The following MPZ variants were observed in gnomAD, a reference collection of about 807,000 sequenced individuals.
MPZ encodes myelin protein P0.
A neutral mutation model predicts 27.9 loss-of-function variants in MPZ; 13 were observed. The ratio of observed to expected loss-of-function variants is 0.47; its 90% CI spans 0.30 to 0.74. The LOEUF (loss-of-function observed/expected upper bound fraction) is 0.74, where lower values mean the gene tolerates loss of function less well. MPZ is among the 30% of genes least tolerant of loss of function. The pLI is 0.06. For synonymous variants in MPZ, 118 were observed against 128.9 expected, an observed-to-expected ratio of 0.92 and a Z score of 0.57; for missense variants, 256 against 317.5, an observed-to-expected ratio of 0.81 and a Z score of 1.47.
intron 3 of MPZ, 87 bp downstream of exon 3, chr1:161,306,621 C>G (rs1670255380): frequency 6.4e-7 from 1 of 1,560,230 alleles, no homozygotes; most frequent in Non-Finnish European, 8.8e-7. Flanking sequence ...TTAGGCCGGG[C>G]TTTTTGCCTC....
At chr1:161,309,552 A>ATATATATATATATATATTTTTTT in intron 1 of MPZ, among the ~76,000 whole-genome samples, 1 of 80,664 alleles carries the variant, frequency 1.2e-5, no homozygotes, top group Non-Finnish European at 2.4e-5. Context: ...ATATATATAT[A>ATATATATATATATATATTTTTTT]TTTTTTTTTT....
chr1:161,308,579 T>A (rs1432192580), intron 1 of MPZ, among the ~76,000 whole-genome samples: 1 of 152,100 alleles, frequency 6.6e-6, no homozygotes, highest in Non-Finnish European at 1.5e-5. Flanking sequence ...CTGTCCTGAA[T>A]CTCTCACCTC....
At position 161,306,366 on chromosome 1, in the gene MPZ, A is replaced by C; in HGVS notation, c.547T>G (p.Trp183Gly). The C allele has an allele frequency of 6.2e-7, 1 of 1,614,192 alleles. No homozygotes were observed. The highest frequency in any genetic ancestry group is 8.5e-7 in the Non-Finnish European group (1 of 1,180,034). ...LLLFYVVRYC[W>G]LRRQAALQRR... The stretch of plus-strand genomic sequence containing the variant: ...TGCAGGGCCGCCTGCCTGCGTAGCC[A>C]GCAGTACCGAACCACGTAGAAAAGC... Residue 183 changes from tryptophan to glycine, a missense_variant, in exon 4 of 6, where the codon TGG becomes GGG. Coordinates refer to ENST00000533357, the MANE Select transcript of MPZ (RefSeq NM_000530.8).
chr1:161,303,707 A>G (rs564731314), downstream of MPZ, among the ~76,000 whole-genome samples: 76 of 152,344 alleles, frequency 5.0e-4, no homozygotes, highest in African/African-American at 1.8e-3. Flanking sequence ...CTAATGAATA[A>G]TGGACAGTTT....
chr1:161,306,156 C>G lies in MPZ; in HGVS notation c.597G>C (p.Lys199Asn), dbSNP rs777928293. The G allele has an allele frequency of 5.0e-6, 8 of 1,614,252 alleles. No individual in the cohort carries two copies. The South Asian group carries it at 8.8e-5, about 18-fold the overall frequency. Reference protein sequence around the residue: ...ALQRRLSAMEKGKLHKPGKDA... With the variant: ...ALQRRLSAMENGKLHKPGKDA... ...CCTTTCCTGGCTTGTGCAATTTCCC[C>G]TTCTCCATAGCACTGCAAGAAGAGA... Residue 199 changes from lysine to asparagine, a missense_variant, in exon 5 of 6, where the codon AAG becomes AAC. Lys to Asn is a moderately conservative substitution (Grantham distance 94). This residue lies in a region of MPZ where 101 missense variants were observed against 93.6 expected (regional missense o/e 1.08). Coordinates refer to ENST00000533357, the MANE Select transcript of MPZ (RefSeq NM_000530.8).
At chr1:161,306,269 T>G in intron 4 of MPZ, 60 bp downstream of exon 4, 1 of 1,612,900 alleles carries the variant, frequency 6.2e-7, no homozygotes, top group East Asian at 2.2e-5. Flanking sequence ...ACTGGAGTAG[T>G]CTCCGCCCAG....
chr1:161,303,975 G>T (rs1384075000), downstream of MPZ, among the ~76,000 whole-genome samples: 1 of 152,118 alleles, frequency 6.6e-6, no homozygotes, highest in Non-Finnish European at 1.5e-5. Context: ...GAAATTACTT[G>T]TGGGCACTTT....
chr1:161,309,849 G>A lies in MPZ; in HGVS notation c.57C>T (p.Phe19=). ...AGTGGCTCCACTTACCCAAAGAAGA[G>A]AAGAGCAGCACAGCCAGGATAGGGC... is the stretch of plus-strand genomic sequence containing the variant. The part of the protein sequence containing the change: ...SPSPILAVLL[F]SSLVLSPAQA... Residue 19 remains phenylalanine (F), a synonymous_variant, in exon 1 of 6, where the codon TTC becomes TTT. Transcript: ENST00000533357. 6.3e-7 allele frequency: 1 copy of A among 1,584,258 alleles called. No homozygotes were observed. The highest frequency in any genetic ancestry group is 8.6e-7 in the Non-Finnish European group (1 of 1,165,868).
At chr1:161,307,057 G>A in intron 2 of MPZ, 136 bp from the exon 3 acceptor site, 1 of 981,128 alleles carries the variant, frequency 1.0e-6, no homozygotes, top group Non-Finnish European at 1.5e-6. Context: ...CCAGCCTCAG[G>A]GTAAGGGATC....
At position 161,307,355 on chromosome 1, in the gene MPZ, ACCCGGGAG is replaced by A. The variant is rs760730366; in HGVS notation, c.129_136del (p.Ser44AspfsTer10). ...GGACCAGAAGGAGCAGTGCAGGGTCACCCGGGAGCCCACAGCACCATGGACCTCCCTGT... is the reference window on the plus strand; with the variant it reads ...GGACCAGAAGGAGCAGTGCAGGGTCACCCACAGCACCATGGACCTCCCTGT... On this transcript the variant is annotated frameshift_variant, in exon 2 of 6. Transcript: ENST00000533357. LOFTEE classifies it high-confidence loss of function. 5 of 1,614,268 alleles carry A rather than the reference ACCCGGGAG, an allele frequency of 3.1e-6. No individual in the cohort carries two copies. The highest frequency in any genetic ancestry group is 4.2e-6 in the Non-Finnish European group (5 of 1,180,042).
Position 161,306,112 on chromosome 1 carries a change from C to A in MPZ, c.641G>T (p.Arg214Leu). The change falls in exon 5 of 6, where the codon CGG (arginine) becomes CTG (leucine). Residue 214 changes from arginine (R) to leucine (L), a missense_variant. Around this residue, in one of 2 missense-constraint regions of MPZ, gnomAD observed 101 missense variants for 93.6 expected, o/e 1.08. Coordinates refer to ENST00000533357, the MANE Select transcript of MPZ (RefSeq NM_000530.8). ...KPGKDASKRG[R>L]QTPVLYAMLD... ...TAGGCCCCAAGTCCCGCTAACCTGC[C>A]GCCCGCGCTTCGACGCGTCCTTTCC... is the stretch of plus-strand genomic sequence containing the variant. The A allele has an allele frequency of 3.1e-6, 5 of 1,614,250 alleles. No individual in the cohort carries two copies. The South Asian group carries it at 4.4e-5, about 14-fold the overall frequency.
rs1333896696 is a variant in MPZ, at chr1:161,304,862, C to T, written c.*1014G>A. 2 of 150,524 alleles carry T rather than the reference C, an allele frequency of 1.3e-5. No individual in the cohort carries two copies. Among genetic ancestry groups the T allele is most frequent in the African/African-American group, 4.9e-5 (2 of 40,716 alleles). 9.3% of individuals were successfully genotyped at this position (150,524 alleles called of 1,614,324 possible). ...TGCAGCCTCTTCCTCCCCCCCGCCCCCCCATTTCCCATTTGTTTTTCCTGC... is the reference window on the plus strand; with the variant it reads ...TGCAGCCTCTTCCTCCCCCCCGCCCTCCCATTTCCCATTTGTTTTTCCTGC... On this transcript the variant is annotated 3_prime_UTR_variant, in exon 6 of 6. Coordinates refer to ENST00000533357, the MANE Select transcript of MPZ (RefSeq NM_000530.8).
rs754068936 is a variant in MPZ at position 161,306,462 on chromosome 1, G to T, written c.451C>A (p.Pro151Thr). Residue 151 changes from proline (P) to threonine (T), a missense_variant and splice_region_variant, in exon 4 of 6, where the codon CCA (proline) becomes ACA (threonine). By Grantham distance (38) the Pro-to-Thr change is conservative. Around this residue, in one of 2 missense-constraint regions of MPZ, gnomAD observed 155 missense variants for 223.9 expected, o/e 0.69. Coordinates refer to ENST00000533357, the MANE Select transcript of MPZ (RefSeq NM_000530.8). ...CCCAGAACGACCCCGTACCTAGTTG[G>T]CACTAGGAGGGGTGGGAAAAGAAGT... ...QVTLYVFEKV[P>T]TRYGVVLGAV... The T allele has an allele frequency of 6.2e-7, 1 of 1,614,186 alleles. No individual in the cohort carries two copies. The highest frequency in any genetic ancestry group is 1.6e-4 in the Middle Eastern group (1 of 6,062).
rs573641061 is a variant in MPZ, at chr1:161,307,160, T to A, written c.234+98A>T. Reference sequence around the variant, plus strand: ...ACCTTGCCAAAGTTGGGGTTATGGCTCAAAAAGGATTTCCCCCTCCTTAGC... The same window carrying A: ...ACCTTGCCAAAGTTGGGGTTATGGCACAAAAAGGATTTCCCCCTCCTTAGC... On this transcript the variant is annotated intron_variant, in intron 2 of 5. Transcript: ENST00000533357. 137 of 1,506,506 alleles carry A rather than the reference T, an allele frequency of 9.1e-5. No individual in the cohort carries two copies. The African/African-American group carries it at 1.7e-3, about 19-fold the overall frequency. The allele number at this position is 1,506,506 out of a possible 1,614,324, so 93.3% of individuals were successfully genotyped here.
chr1:161,305,899 C>A lies in MPZ; in HGVS notation c.724G>T (p.Glu242Ter). ...CGCTATTTCTTATCCTTGCGAGACT[C>A]CCCCAGCCCCTTGGCCTTCTTCTCA... ...VSEKKAKGLGESRKDKK is the reference protein window; with the variant it reads ...VSEKKAKGLG Residue 242 changes from glutamate (E) to a stop codon, truncating the protein, a stop_gained, in exon 6 of 6, where the codon GAG becomes TAG. Coordinates refer to ENST00000533357, the MANE Select transcript of MPZ (RefSeq NM_000530.8). LOFTEE classifies it high-confidence loss of function. The A allele has an allele frequency of 6.2e-7, 1 of 1,610,754 alleles. No individual in the cohort carries two copies. Among genetic ancestry groups the A allele is most frequent in the Non-Finnish European group, 8.5e-7 (1 of 1,178,186 alleles).
At chr1:161,304,042 C>A (rs1670170706), downstream of MPZ, among the ~76,000 whole-genome samples, 1 of 152,022 alleles carries the variant, frequency 6.6e-6, no homozygotes, top group Non-Finnish European at 1.5e-5. Flanking sequence ...TATGTTTTTC[C>A]ACAATCAGTT....
chr1:161,307,836 A>G (rs970086341), intron 1 of MPZ, among the ~76,000 whole-genome samples: 3 of 152,206 alleles, frequency 2.0e-5, no homozygotes, highest in African/African-American at 7.2e-5. Flanking sequence ...AGCAATAGAA[A>G]TAAAACAAAA....
At chr1:161,306,216 G>A in intron 4 of MPZ, 48 bp from the exon 5 acceptor site, 1 of 1,612,098 alleles carries the variant, frequency 6.2e-7, no homozygotes, top group East Asian at 2.2e-5. Context: ...GGAACCCCTT[G>A]CACCGCGGAC....
intron 1 of MPZ, 177 bp from the exon 2 acceptor site, chr1:161,307,601 CTG>C: frequency 1.6e-6 from 1 of 634,748 alleles, no homozygotes; most frequent in Non-Finnish European, 2.8e-6. Context: ...AGCATAAATG[CTG>C]TGTCTGTCAA....
Sources: allele counts gnomAD v4.1 joint callset (sites outside exome capture counted in the v4.1 genomes callset), GRCh38; gene constraint gnomAD v4.1.1; regional missense constraint gnomAD v4.1.1; transcripts MANE v1.5; gene names NCBI Gene and HGNC (gene_info 2026-07-23, HGNC 2026-07-21).